The following LRRTM3 variants were observed in gnomAD, a reference collection of about 807,000 sequenced individuals.
LRRTM3 encodes the protein leucine rich repeat transmembrane neuronal 3, also known as leucine-rich repeat transmembrane neuronal protein 3.
A neutral mutation model predicts 44.7 loss-of-function variants in LRRTM3; 24 were observed. The ratio of observed to expected loss-of-function variants is 0.54; its 90% CI spans 0.39 to 0.76. The LOEUF (loss-of-function observed/expected upper bound fraction) is 0.76, where lower values mean the gene tolerates loss of function less well. Among genes scored for constraint, LRRTM3 ranks in the 30% least tolerant of loss-of-function variants. The pLI is 0.00. For missense variants in LRRTM3, 587 were observed against 702.2 expected (o/e 0.84, Z 1.85); for synonymous variants, 277 against 278.7 (o/e 0.99, Z 0.06).
At chr10:67,063,551 T>A (rs980357559) in intron 2 of LRRTM3, among the ~76,000 whole-genome samples, 2 of 152,326 alleles carry the variant, frequency 1.3e-5, no homozygotes, top group East Asian at 3.9e-4. Context: ...GTTATCACTG[T>A]CAGATATGAA....
chr10:66,974,092 C>T (rs2132842687), intron 2 of LRRTM3, among the ~76,000 whole-genome samples: 1 of 152,262 alleles, frequency 6.6e-6, no homozygotes, highest in Middle Eastern at 3.4e-3. Flanking sequence ...TCTCTGTAGT[C>T]AGTCTTCTTA....
At position 67,098,654 on chromosome 10, in the gene LRRTM3, C is replaced by G. The variant is rs1390509778; in HGVS notation, c.*858C>G. 1 of 152,242 alleles carries G rather than the reference C, an allele frequency of 6.6e-6. No individual in the cohort carries two copies. The highest frequency in any genetic ancestry group is 1.5e-5 in the Non-Finnish European group (1 of 67,878). The allele number at this position is 152,242 out of a possible 1,614,324, so 9.4% of individuals were successfully genotyped here. On this transcript the variant is annotated 3_prime_UTR_variant, in exon 3 of 3. Coordinates refer to ENST00000361320, the MANE Select transcript of LRRTM3 (RefSeq NM_178011.5). ...TTGGGGGAAAGCATGGACAAAACAT[C>G]ACTGGAAACAAAGGCTGTAACCACA...
At chr10:67,013,214 C>T (rs926174524) in intron 2 of LRRTM3, among the ~76,000 whole-genome samples, 12 of 151,444 alleles carry the variant, frequency 7.9e-5, no homozygotes, top group African/African-American at 2.2e-4. Flanking sequence ...CTGTCAAATG[C>T]ATCTGGTGTC....
intron 2 of LRRTM3, among the ~76,000 whole-genome samples, chr10:66,969,259 A>C (rs1348498504): frequency 6.6e-6 from 1 of 152,152 alleles, no homozygotes; most frequent in African/African-American, 2.4e-5. Context: ...CAAATGTGAA[A>C]TGATACTGTA....
At chr10:67,043,137 T>C (rs1345137720) in intron 2 of LRRTM3, among the ~76,000 whole-genome samples, 1 of 40,348 alleles carries the variant, frequency 2.5e-5, no homozygotes, top group Non-Finnish European at 5.1e-5. Flanking sequence ...CTTTCTTTCT[T>C]TTTTTTTTTT....
Position 66,926,556 on chromosome 10 carries a change from TAAGGACGACCTTTGAACAATACA to T in LRRTM3, c.-22_1del. On this transcript the variant is annotated 5_prime_UTR_variant, in exon 1 of 3. Coordinates refer to ENST00000361320, the MANE Select transcript of LRRTM3 (RefSeq NM_178011.5). ...GGCCCCTAAGCCAAAGCAAAAGACC[TAAGGACGACCTTTGAACAATACA>T]AAGGATGGGTATGTTTTGTCATTTT... The T allele has an allele frequency of 6.2e-7, 1 of 1,613,842 alleles. No individual in the cohort carries two copies. The highest frequency in any genetic ancestry group is 8.5e-7 in the Non-Finnish European group (1 of 1,179,928).
chr10:67,034,729 T>C (rs969380774), intron 2 of LRRTM3, among the ~76,000 whole-genome samples: 2 of 152,214 alleles, frequency 1.3e-5, no homozygotes, highest in East Asian at 1.9e-4. Context: ...AAACTGACTC[T>C]CTAGTGGCTG....
intron 2 of LRRTM3, among the ~76,000 whole-genome samples, chr10:66,981,176 T>G (rs1048392682): frequency 6.6e-6 from 1 of 152,238 alleles, no homozygotes; most frequent in African/African-American, 2.4e-5. Flanking sequence ...AGTGCTGGGA[T>G]TACAGGCGTG....
chr10:67,082,416 T>C (rs906382076), intron 2 of LRRTM3, among the ~76,000 whole-genome samples: 17 of 152,266 alleles, frequency 1.1e-4, no homozygotes, highest in Non-Finnish European at 2.2e-4. Context: ...AGGCAGAAAA[T>C]GCCTAATCAA....
intron 2 of LRRTM3, among the ~76,000 whole-genome samples, chr10:66,954,304 A>G (rs1750658830): frequency 6.6e-6 from 1 of 152,178 alleles, no homozygotes; most frequent in East Asian, 1.9e-4. Context: ...CTTATCTTAA[A>G]TTTGTTCTGT....
chr10:67,091,412 C>T (rs1282817663), intron 2 of LRRTM3, among the ~76,000 whole-genome samples: 1 of 151,486 alleles, frequency 6.6e-6, no homozygotes, highest in Non-Finnish European at 1.5e-5. Flanking sequence ...TTAAGGATGC[C>T]AATTTCCCAG....
rs149213054 is a variant in LRRTM3 at position 67,019,242 on chromosome 10, G to A, written c.1537-78345G>A. On this transcript the variant is annotated intron_variant, in intron 2 of 2. Coordinates refer to ENST00000361320, the MANE Select transcript of LRRTM3 (RefSeq NM_178011.5). ...TTTTATTATTATTTTGTTTTGAGAC[G>A]TAGTCTCGCTCTGTTGCCCAGGCTG... 9.5e-4 allele frequency among the ~76,000 whole-genome samples: 144 copies of A among 152,052 alleles called. 3 individuals are homozygous for A. The highest frequency in any genetic ancestry group is 3.3e-3 in the African/African-American group (136 of 41,488).
chr10:67,014,533 T>A (rs1190194994), intron 2 of LRRTM3, among the ~76,000 whole-genome samples: 1 of 152,194 alleles, frequency 6.6e-6, no homozygotes, highest in Admixed American at 6.5e-5. Flanking sequence ...GAGAAGATAC[T>A]GTTCCTATGA....
At chr10:67,077,637 G>C (rs567707828) in intron 2 of LRRTM3, among the ~76,000 whole-genome samples, 2 of 152,218 alleles carry the variant, frequency 1.3e-5, no homozygotes, top group Non-Finnish European at 1.5e-5. Flanking sequence ...TGAAAGACTG[G>C]TTCCCTGTAT....
intron 2 of LRRTM3, among the ~76,000 whole-genome samples, chr10:67,033,910 T>G (rs1280078782): frequency 6.6e-6 from 1 of 152,128 alleles, no homozygotes; most frequent in Non-Finnish European, 1.5e-5. Context: ...TAGCTGGGAT[T>G]ACAGGCTTGC....
At chr10:66,954,744 CCTT>C (rs1457663847) in intron 2 of LRRTM3, among the ~76,000 whole-genome samples, 3 of 152,118 alleles carry the variant, frequency 2.0e-5, no homozygotes, top group African/African-American at 7.2e-5. Context: ...GTATACCCTT[CCTT>C]GGCGGAATCG....
chr10:67,071,512 G>T (rs77382323), intron 2 of LRRTM3, among the ~76,000 whole-genome samples: 3,231 of 41,262 alleles, frequency 0.078, 91 homozygotes, highest in African/African-American at 0.26. Context: ...AGTTTTTTTT[G>T]TTTGTTTGTT....
intron 2 of LRRTM3, among the ~76,000 whole-genome samples, chr10:66,977,050 C>T (rs894261056): frequency 9.9e-5 from 15 of 152,060 alleles, no homozygotes; most frequent in African/African-American, 2.9e-4. Context: ...TTGATAGTTC[C>T]ATTGTCTAAA....
chr10:66,986,508 C>T (rs1850738308), intron 2 of LRRTM3, among the ~76,000 whole-genome samples: 1 of 148,720 alleles, frequency 6.7e-6, no homozygotes, highest in African/African-American at 2.4e-5. Flanking sequence ...CTAAACTAAA[C>T]TAAAATAAAA....
Sources: allele counts gnomAD v4.1 joint callset (sites outside exome capture counted in the v4.1 genomes callset), GRCh38; gene constraint gnomAD v4.1.1; transcripts MANE v1.5; gene names NCBI Gene and HGNC (gene_info 2026-07-23, HGNC 2026-07-21).